MAPRE3: variants seen among roughly 807,000 people sequenced by gnomAD.
MAPRE3 encodes the protein microtubule-associated protein RP/EB family member 3.
Under a neutral mutation model 30.5 loss-of-function variants are expected in MAPRE3, and 2 were observed. The ratio of observed to expected loss-of-function variants is 0.07; its 90% CI spans 0.03 to 0.21. MAPRE3 has a LOEUF of 0.21. MAPRE3 is among the 10% of genes least tolerant of loss of function. The probability of loss-of-function intolerance (pLI) is 1.00; values close to 1 mark genes in which losing one functional copy is unlikely to be tolerated. For missense variants in MAPRE3, 204 were observed against 351.8 expected (o/e 0.58, Z 3.36); for synonymous variants, 110 against 127.7 (o/e 0.86, Z 0.93).
intron 1 of MAPRE3, among the ~76,000 whole-genome samples, chr2:26,981,598 T>A (rs1038478367): frequency 2.2e-4 from 34 of 152,188 alleles, no homozygotes; most frequent in African/African-American, 8.2e-4. Context: ...CTTAAAGGAA[T>A]ATTTGAAATC....
chr2:26,991,800 T>C (rs903010461), intron 1 of MAPRE3, among the ~76,000 whole-genome samples: 1 of 152,234 alleles, frequency 6.6e-6, no homozygotes, highest in African/African-American at 2.4e-5. Context: ...AGACTCCAAA[T>C]TGGGCCAGAT....
chr2:27,008,878 G>A (rs1666788234), intron 1 of MAPRE3, among the ~76,000 whole-genome samples: 1 of 152,174 alleles, frequency 6.6e-6, no homozygotes, highest in African/African-American at 2.4e-5. Flanking sequence ...GCAATAAAGA[G>A]GAACCATTAA....
At chr2:27,025,303 C>T (rs1667212417) in intron 4 of MAPRE3, among the ~76,000 whole-genome samples, 1 of 152,232 alleles carries the variant, frequency 6.6e-6, no homozygotes, top group Non-Finnish European at 1.5e-5. Flanking sequence ...CTCCTCTATC[C>T]CTCAGGCCAG....
intron 1 of MAPRE3, chr2:27,013,538 C>T (rs1403861092): frequency 6.6e-6 from 1 of 152,226 alleles, no homozygotes; most frequent in African/African-American, 2.4e-5. Flanking sequence ...TCTGAACCCC[C>T]CAAACCCTAG....
chr2:27,025,551 G>T, intron 4 of MAPRE3, 32 bp from the exon 5 acceptor site: 1 of 1,538,710 alleles, frequency 6.5e-7, no homozygotes, highest in Non-Finnish European at 8.7e-7. Flanking sequence ...GTGGGCTCAC[G>T]TGGACTTACC....
chr2:26,998,134 TCA>T (rs1373043076), intron 1 of MAPRE3, among the ~76,000 whole-genome samples: 8 of 152,354 alleles, frequency 5.3e-5, no homozygotes, highest in South Asian at 2.1e-4. Flanking sequence ...AACACTTTGG[TCA>T]CAGTTTTACA....
chr2:26,990,990 A>G (rs556989013), intron 1 of MAPRE3, among the ~76,000 whole-genome samples: 17 of 152,356 alleles, frequency 1.1e-4, no homozygotes, highest in African/African-American at 3.6e-4. Context: ...GGGCAGTCTC[A>G]TGCCTGTAAT....
intron 1 of MAPRE3, among the ~76,000 whole-genome samples, chr2:27,016,711 A>G (rs1053495805): frequency 6.6e-6 from 1 of 152,156 alleles, no homozygotes; most frequent in East Asian, 1.9e-4. Context: ...AATTGGAGGC[A>G]GCTGGTCCAC....
rs1349915799 is a variant in MAPRE3 at position 27,015,541 on chromosome 2, G to A, written c.-7-6671G>A. ...GTCTTTCATAGCCACGCTGGGCAGA[G>A]GGTGGAGGCCTGGAAACTGCAGGGG... is the stretch of plus-strand genomic sequence containing the variant. On this transcript the variant is annotated intron_variant, in intron 1 of 6. Coordinates refer to ENST00000233121, the MANE Select transcript of MAPRE3 (RefSeq NM_012326.4). This position sits in a 1 kb window ranked among gnomAD's most constrained non-coding sequence, Gnocchi z 4.0. Among the ~76,000 whole-genome samples the A allele has an allele frequency of 6.6e-6, 1 of 152,146 alleles. No individual in the cohort carries two copies. Among genetic ancestry groups the A allele is most frequent in the Non-Finnish European group, 1.5e-5 (1 of 68,016 alleles).
intron 1 of MAPRE3, among the ~76,000 whole-genome samples, chr2:26,991,813 A>C (rs1465783364): frequency 6.6e-6 from 1 of 152,220 alleles, no homozygotes; most frequent in Non-Finnish European, 1.5e-5. Context: ...GGCCAGATGT[A>C]AATGGGTAAC....
At chr2:27,016,534 G>A (rs1226771591) in intron 1 of MAPRE3, among the ~76,000 whole-genome samples, 3 of 151,950 alleles carry the variant, frequency 2.0e-5, no homozygotes, top group Non-Finnish European at 4.4e-5. Flanking sequence ...ACAAGTGCCC[G>A]CCACTGTGCC....
rs181932562 is a variant in MAPRE3 at position 26,979,885 on chromosome 2, C to T, written c.-8+9083C>T. 1.9e-3 allele frequency among the ~76,000 whole-genome samples: 283 copies of T among 152,176 alleles called. 1 individual carries two copies. Among genetic ancestry groups the T allele is most frequent in the African/African-American group, 6.1e-3 (255 of 41,506 alleles). On this transcript the variant is annotated intron_variant, in intron 1 of 6. Coordinates refer to ENST00000233121, the MANE Select transcript of MAPRE3 (RefSeq NM_012326.4). ...TTTAGACACAGAGAGCTAAAAACAA[C>T]GTGACTGTGGGTTGCAGGACATCCA...
Position 27,023,426 on chromosome 2 carries a change from C to T in MAPRE3, c.216C>T (p.Ile72=). The change falls in exon 3 of 7, where the codon ATC becomes ATT. Residue 72 remains isoleucine (I), a synonymous_variant. Transcript: ENST00000233121. ...AGGCCAAACTAGAGCACGAATACAT[C>T]CACAACTTCAAGGTGCTGCAAGCAG... is the stretch of plus-strand genomic sequence containing the variant. The part of the protein sequence containing the change: ...KFQAKLEHEY[I]HNFKVLQAAF... 2 of 1,614,160 alleles carry T rather than the reference C, an allele frequency of 1.2e-6. No individual in the cohort carries two copies. Among genetic ancestry groups the T allele is most frequent in the Non-Finnish European group, 1.7e-6 (2 of 1,180,030 alleles).
At position 26,970,676 on chromosome 2, in the gene MAPRE3, G is replaced by A. The variant is rs980978444; in HGVS notation, c.-134G>A. Reference sequence around the variant, plus strand: ...CCGCAGTCTCTGTGCGTTGAAGCCGGAGACCGCGGCGGCCTCAGCGAGGAC... The same window carrying A: ...CCGCAGTCTCTGTGCGTTGAAGCCGAAGACCGCGGCGGCCTCAGCGAGGAC... On this transcript the variant is annotated 5_prime_UTR_variant, in exon 1 of 7. Coordinates refer to ENST00000233121, the MANE Select transcript of MAPRE3 (RefSeq NM_012326.4). 1 of 152,330 alleles carries A rather than the reference G, an allele frequency of 6.6e-6. No individual in the cohort carries two copies. Among genetic ancestry groups the A allele is most frequent in the Non-Finnish European group, 1.5e-5 (1 of 68,114 alleles). 9.4% of individuals were successfully genotyped at this position (152,330 alleles called of 1,614,324 possible).
At chr2:26,994,781 T>A (rs1666415985) in intron 1 of MAPRE3, among the ~76,000 whole-genome samples, 1 of 151,952 alleles carries the variant, frequency 6.6e-6, no homozygotes, top group African/African-American at 2.4e-5. Context: ...ATTAACTCAT[T>A]AGCAGGGATT....
intron 1 of MAPRE3, among the ~76,000 whole-genome samples, chr2:26,977,406 G>A (rs1666034057): frequency 6.6e-6 from 1 of 152,156 alleles, no homozygotes; most frequent in Non-Finnish European, 1.5e-5. Flanking sequence ...TGTTTTGGGT[G>A]GCCTTCTTTT....
intron 4 of MAPRE3, 33 bp downstream of exon 4, chr2:27,024,330 GGGGCC>G: frequency 6.2e-7 from 1 of 1,600,568 alleles, no homozygotes; most frequent in Non-Finnish European, 8.5e-7. Context: ...GGGAGCGTGG[GGGGCC>G]GGGCCGGCAG....
chr2:26,977,397 G>C (rs531413408), intron 1 of MAPRE3, among the ~76,000 whole-genome samples: 2 of 152,304 alleles, frequency 1.3e-5, no homozygotes, highest in East Asian at 3.9e-4. Context: ...ACAGGGCTCT[G>C]TTTTGGGTGG....
chr2:26,998,118 A>G (rs976417371), intron 1 of MAPRE3, among the ~76,000 whole-genome samples: 2 of 152,226 alleles, frequency 1.3e-5, no homozygotes, highest in East Asian at 1.9e-4. Context: ...GTTTTTCTGT[A>G]TCTTCAACAC....
Sources: allele counts gnomAD v4.1 joint callset (sites outside exome capture counted in the v4.1 genomes callset), GRCh38; gene constraint gnomAD v4.1.1; non-coding constraint Gnocchi (gnomAD v3.1); transcripts MANE v1.5; gene names NCBI Gene and HGNC (gene_info 2026-07-23, HGNC 2026-07-21).